The following UBXN7 variants were observed in gnomAD, a reference collection of about 807,000 sequenced individuals.
UBXN7 encodes the protein UBX domain-containing protein 7.
UBXN7 carries 9 observed loss-of-function variants against 58.0 expected under a neutral mutation model. The observed-to-expected ratio is 0.16, with a 90% confidence interval of 0.09 to 0.27. The LOEUF (loss-of-function observed/expected upper bound fraction) is 0.27. Among genes scored for constraint, UBXN7 ranks in the 10% least tolerant of loss-of-function variants. The probability of loss-of-function intolerance (pLI) is 1.00; values close to 1 mark genes in which losing one functional copy is unlikely to be tolerated. For synonymous variants in UBXN7, 208 were observed against 205.0 expected (o/e 1.01, Z -0.12); for missense variants, 328 against 599.6 (o/e 0.55, Z 4.73).
intron 3 of UBXN7, 123 bp downstream of exon 3, chr3:196,402,828 GA>G (rs1344330824): frequency 2.7e-6 from 3 of 1,108,332 alleles, no homozygotes; most frequent in Non-Finnish European, 2.6e-6. Context: ...CAGGACTATA[GA>G]AAAAATAAGA....
At chr3:196,399,949 T>G (rs577591312) in intron 3 of UBXN7, 1 of 152,186 alleles carries the variant, frequency 6.6e-6, no homozygotes, top group African/African-American at 2.4e-5. Context: ...CCCAGCTACT[T>G]AGGAGGCTGA....
chr3:196,410,678 CA>C lies in UBXN7; in HGVS notation c.74-3286del, dbSNP rs200054121. ...CTCTACTAAAAATACAAAAATTAGC[CA>C]AGCATGTGAGCACACACCTGTAATC... On this transcript the variant is annotated intron_variant, in intron 1 of 10. Transcript: ENST00000296328. 9.4e-3 allele frequency among the ~76,000 whole-genome samples: 1,425 copies of C among 152,172 alleles called. 58 individuals are homozygous for C. The highest frequency in any genetic ancestry group is 0.072 in the Admixed American group (1,099 of 15,254).
chr3:196,424,703 C>CTTT (rs36110858), intron 1 of UBXN7, among the ~76,000 whole-genome samples: 2 of 105,256 alleles, frequency 1.9e-5, no homozygotes, highest in African/African-American at 3.6e-5. Flanking sequence ...TTTTTATAAC[C>CTTT]TTTTTTTTTT....
chr3:196,427,504 G>A (rs897394727), intron 1 of UBXN7, among the ~76,000 whole-genome samples: 1 of 152,198 alleles, frequency 6.6e-6, no homozygotes, highest in Non-Finnish European at 1.5e-5. Flanking sequence ...TTTTCGGAGA[G>A]ACAGGGTTTC....
chr3:196,379,551 G>A (rs969836395), intron 5 of UBXN7, among the ~76,000 whole-genome samples: 1 of 152,128 alleles, frequency 6.6e-6, no homozygotes, highest in Non-Finnish European at 1.5e-5. Context: ...TTCAACTTCC[G>A]TAACTTCTTC....
rs374729423 is a variant in UBXN7, at chr3:196,361,898, C to T, written c.1254G>A (p.Arg418=). The T allele has an allele frequency of 5.0e-5, 80 of 1,612,604 alleles. No individual in the cohort carries two copies. The highest frequency in any genetic ancestry group is 6.4e-5 in the Non-Finnish European group (75 of 1,179,768). The part of the protein sequence containing the change: ...VNGPKAQLML[R]YPDGKREQIT... ...TCTGTTCCCTTTTTCCATCTGGATA[C>T]CGCAACATCAGCTGTGCTTTTGGTC... The change falls in exon 10 of 11, where the codon CGG becomes CGA. Residue 418 remains arginine (R), a synonymous_variant. Transcript: ENST00000296328.
At chr3:196,396,878 G>A (rs1729791873) in intron 3 of UBXN7, among the ~76,000 whole-genome samples, 1 of 152,142 alleles carries the variant, frequency 6.6e-6, no homozygotes, top group Non-Finnish European at 1.5e-5. Context: ...CTTTTAAACT[G>A]CCAAAGATAG....
At chr3:196,379,470 A>G (rs1408013620) in intron 5 of UBXN7, among the ~76,000 whole-genome samples, 4 of 152,186 alleles carry the variant, frequency 2.6e-5, no homozygotes, top group South Asian at 2.1e-4. Flanking sequence ...TCTGTTTTAA[A>G]TGCTTCTGAC....
In UBXN7 at chr3:196,431,679, C is replaced by T. The variant is rs539223594; in HGVS notation, c.73+648G>A. ...GCCTCCCCTATTCAGCTTGGGGGTTCCCCCTCATTCTTCCCTCAAAGCCTC... is the reference window on the plus strand; with the variant it reads ...GCCTCCCCTATTCAGCTTGGGGGTTTCCCCTCATTCTTCCCTCAAAGCCTC... On this transcript the variant is annotated intron_variant, in intron 1 of 10. Transcript: ENST00000296328. The T allele has an allele frequency of 4.7e-4, 135 of 284,346 alleles. 1 individual carries two copies. The highest frequency in any genetic ancestry group is 8.0e-4 in the Non-Finnish European group (112 of 140,666). 17.6% of individuals were successfully genotyped at this position (284,346 alleles called of 1,614,324 possible).
chr3:196,402,378 C>T (rs764024709), intron 3 of UBXN7, among the ~76,000 whole-genome samples: 1 of 152,208 alleles, frequency 6.6e-6, no homozygotes, highest in Non-Finnish European at 1.5e-5. Flanking sequence ...CTGTCTTGGT[C>T]TGCCCAAGCA....
In UBXN7 at chr3:196,401,823, G is replaced by GAGAAGAGA. The variant is rs145395839; in HGVS notation, c.289+1128_289+1129insTCTCTTCT. Among the ~76,000 whole-genome samples, 195 of 120,342 alleles carry GAGAAGAGA rather than the reference G, an allele frequency of 1.6e-3. 2 individuals carry two copies. The highest frequency in any genetic ancestry group is 5.5e-3 in the African/African-American group (178 of 32,136). 78.9% of individuals were successfully genotyped at this position (120,342 alleles called of 152,430 possible). A position where few individuals can be genotyped will look rare whatever the true frequency, so the allele number is the denominator to read the frequency against. On this transcript the variant is annotated intron_variant, in intron 3 of 10. Coordinates refer to ENST00000296328, the MANE Select transcript of UBXN7 (RefSeq NM_015562.2). ...AGGAAAGAAAGAAAAGAAAAGAGAA[G>GAGAAGAGA]AGAGAAGAGAAGAGAAGAGAAGAGA... is the stretch of plus-strand genomic sequence containing the variant.
At position 196,371,876 on chromosome 3, in the gene UBXN7, T is replaced by C; in HGVS notation, c.615+20A>G. ...CAAAAGTAAAATTCTACAAAACTTC[T>C]GATTAACTCTCCTTCTCACCTGCCA... On this transcript the variant is annotated intron_variant, in intron 6 of 10. Transcript: ENST00000296328. The C allele has an allele frequency of 6.2e-7, 1 of 1,602,808 alleles. No individual in the cohort carries two copies. Among genetic ancestry groups the C allele is most frequent in the Non-Finnish European group, 8.5e-7 (1 of 1,175,450 alleles).
In UBXN7 at chr3:196,430,142, G is replaced by C. The variant is rs1473646943; in HGVS notation, c.73+2185C>G. ...GGCTGAGGTGAGTGGATCATTTGAG[G>C]ACAGGAGTTCAAGACCAGCCAGGCC... is the stretch of plus-strand genomic sequence containing the variant. On this transcript the variant is annotated intron_variant, in intron 1 of 10. Coordinates refer to ENST00000296328, the MANE Select transcript of UBXN7 (RefSeq NM_015562.2). Among the ~76,000 whole-genome samples the C allele has an allele frequency of 2.6e-5, 4 of 152,028 alleles. No individual in the cohort carries two copies. The East Asian group carries it at 7.7e-4, about 29-fold the overall frequency.
chr3:196,362,780 T>C, intron 8 of UBXN7, 93 bp from the exon 9 acceptor site: 2 of 1,458,090 alleles, frequency 1.4e-6, no homozygotes, highest in Middle Eastern at 2.5e-4. Flanking sequence ...TTGCCATTCA[T>C]TATTATGTTC....
At position 196,391,914 on chromosome 3, in the gene UBXN7, G is replaced by T; in HGVS notation, c.367C>A (p.Gln123Lys). 1 of 1,507,142 alleles carries T rather than the reference G, an allele frequency of 6.6e-7. No individual in the cohort carries two copies. The highest frequency in any genetic ancestry group is 8.9e-7 in the Non-Finnish European group (1 of 1,117,692). 93.4% of individuals were successfully genotyped at this position (1,507,142 alleles called of 1,614,324 possible). A position where few individuals can be genotyped will look rare whatever the true frequency, so the allele number is the denominator to read the frequency against. ...ATAGCTCCTCCATTTCTTAATTCTTGTTCTTGCCGAACTATAATACAGAAG... is the reference window on the plus strand; with the variant it reads ...ATAGCTCCTCCATTTCTTAATTCTTTTTCTTGCCGAACTATAATACAGAAG... ...DFQTETIRQE[Q>K]ELRNGGAIDK... The change falls in exon 5 of 11, where the codon CAA becomes AAA. Residue 123 changes from glutamine to lysine, a missense_variant. Transcript: ENST00000296328.
rs190367512 is a variant in UBXN7, at chr3:196,358,562, C to T, written c.1309-1716G>A. ...ACCAGCCTGGGTAACATAGTGAGAA[C>T]CCTTCTCTACAAAAAAGAATTTTAA... On this transcript the variant is annotated intron_variant, in intron 10 of 10. Coordinates refer to ENST00000296328, the MANE Select transcript of UBXN7 (RefSeq NM_015562.2). Among the ~76,000 whole-genome samples, 3 of 152,228 alleles carry T rather than the reference C, an allele frequency of 2.0e-5. No individual in the cohort carries two copies. The East Asian group carries it at 5.8e-4, about 29-fold the overall frequency.
chr3:196,376,680 T>C (rs1050824773), intron 5 of UBXN7, among the ~76,000 whole-genome samples: 1 of 152,076 alleles, frequency 6.6e-6, no homozygotes, highest in African/African-American at 2.4e-5. Flanking sequence ...AACAAAATAT[T>C]CTTAGTAATT....
intron 5 of UBXN7, among the ~76,000 whole-genome samples, chr3:196,374,916 AG>A (rs1176228018): frequency 8.0e-3 from 17 of 2,128 alleles, no homozygotes; most frequent in Non-Finnish European, 0.012. Context: ...GGGGAGGGGG[AG>A]GGGGAGGGGA....
At chr3:196,381,620 C>T (rs552825648) in intron 5 of UBXN7, among the ~76,000 whole-genome samples, 9 of 152,262 alleles carry the variant, frequency 5.9e-5, no homozygotes, top group African/African-American at 1.4e-4. Flanking sequence ...AACGGAACAA[C>T]GCTGGATGGA....
Sources: allele counts gnomAD v4.1 joint callset (sites outside exome capture counted in the v4.1 genomes callset), GRCh38; gene constraint gnomAD v4.1.1; transcripts MANE v1.5; gene names NCBI Gene and HGNC (gene_info 2026-07-23, HGNC 2026-07-21).